PLCH1: variants seen among roughly 807,000 people sequenced by gnomAD.
PLCH1 encodes phospholipase C eta 1, also known as 1-phosphatidylinositol 4,5-bisphosphate phosphodiesterase eta-1.
Under a neutral mutation model 126.7 loss-of-function variants are expected in PLCH1, and 60 were observed. The ratio of observed to expected loss-of-function variants is 0.47; its 90% CI spans 0.38 to 0.59. The LOEUF is 0.59. Ranked by LOEUF, PLCH1 falls within the 20% of genes least tolerant of loss-of-function variation. The pLI is 0.00. For missense variants in PLCH1, 1,723 were observed against 2,040.0 expected (o/e 0.84, Z 2.99); for synonymous variants, 719 against 734.9 (o/e 0.98, Z 0.35).
At chr3:155,540,263 AT>A (rs1324366317) in intron 10 of PLCH1, among the ~76,000 whole-genome samples, 2 of 152,146 alleles carry the variant, frequency 1.3e-5, no homozygotes, top group African/African-American at 4.8e-5. Context: ...AGACTTAAAT[AT>A]AACACCTGAA....
intron 4 of PLCH1, among the ~76,000 whole-genome samples, chr3:155,589,442 A>AT (rs758262144): frequency 2.6e-5 from 4 of 151,888 alleles, no homozygotes; most frequent in Non-Finnish European, 4.4e-5. Flanking sequence ...TTTTCTTTTG[A>AT]TTTTTTTTAA....
intron 1 of PLCH1, among the ~76,000 whole-genome samples, chr3:155,708,858 T>C (rs1322550159): frequency 6.6e-6 from 1 of 152,166 alleles, no homozygotes. Context: ...AGATTTACGC[T>C]CTTTATTAAA....
At chr3:155,727,969 C>G (rs1748471243) in intron 1 of PLCH1, among the ~76,000 whole-genome samples, 1 of 151,980 alleles carries the variant, frequency 6.6e-6, no homozygotes, top group Admixed American at 6.6e-5. Context: ...AACCAAAAGG[C>G]CCCTTCTCAG....
intron 7 of PLCH1, among the ~76,000 whole-genome samples, chr3:155,567,231 C>T (rs1358349542): frequency 6.6e-6 from 1 of 152,050 alleles, no homozygotes; most frequent in Non-Finnish European, 1.5e-5. Flanking sequence ...CGCCACCATG[C>T]CCAGCTAATT....
intron 2 of PLCH1, chr3:155,676,457 A>T (rs1419812805): frequency 2.1e-6 from 2 of 939,050 alleles, no homozygotes; most frequent in South Asian, 9.9e-5. Flanking sequence ...TTATCCATCA[A>T]AGAAACCCTC....
intron 2 of PLCH1, among the ~76,000 whole-genome samples, chr3:155,689,724 G>A (rs1047894873): frequency 3.9e-5 from 6 of 151,916 alleles, no homozygotes; most frequent in African/African-American, 1.4e-4. Context: ...AAAACACATA[G>A]TCAGAGGAGA....
chr3:155,589,075 T>A (rs977283285), intron 4 of PLCH1, among the ~76,000 whole-genome samples: 1 of 152,158 alleles, frequency 6.6e-6, no homozygotes, highest in African/African-American at 2.4e-5. Context: ...GAAACAGTCA[T>A]TCCTCAGAGA....
chr3:155,626,281 A>G (rs1737236663), intron 2 of PLCH1, among the ~76,000 whole-genome samples: 1 of 152,166 alleles, frequency 6.6e-6, no homozygotes, highest in African/African-American at 2.4e-5. Context: ...GAAACACAGG[A>G]CACTGGAAGG....
intron 4 of PLCH1, among the ~76,000 whole-genome samples, chr3:155,590,581 A>G (rs1471980890): frequency 2.0e-5 from 2 of 98,436 alleles, no homozygotes; most frequent in African/African-American, 7.6e-5. Context: ...CCATCTCAAA[A>G]AAAAAAAAAA....
At chr3:155,591,199 G>T (rs1364950504) in intron 4 of PLCH1, among the ~76,000 whole-genome samples, 1 of 152,186 alleles carries the variant, frequency 6.6e-6, no homozygotes, top group Non-Finnish European at 1.5e-5. Flanking sequence ...AACTGGATGA[G>T]GCTAGAAGCT....
chr3:155,478,425 T>A (rs1713641662), downstream of PLCH1, among the ~76,000 whole-genome samples: 1 of 152,134 alleles, frequency 6.6e-6, no homozygotes, highest in East Asian at 1.9e-4. Context: ...AATGGGTAAG[T>A]CAAAGGATAA....
chr3:155,699,171 G>A (rs921230537), intron 2 of PLCH1, among the ~76,000 whole-genome samples: 44 of 151,478 alleles, frequency 2.9e-4, no homozygotes, highest in Admixed American at 2.0e-4. Context: ...CACCTCCCAG[G>A]TTCAAACGAC....
chr3:155,457,171 GA>G, intron 21 of PLCH1: 1 of 152,596 alleles, frequency 6.6e-6, no homozygotes, highest in Non-Finnish European at 1.5e-5. Context: ...CCCTGCTGGG[GA>G]AAAAGAGTGA....
At chr3:155,621,020 C>A (rs1253315165) in intron 2 of PLCH1, among the ~76,000 whole-genome samples, 6 of 152,144 alleles carry the variant, frequency 3.9e-5, no homozygotes, top group South Asian at 2.1e-4. Context: ...AGCCCTGGCT[C>A]GCATCTGGCG....
chr3:155,600,910 A>G (rs1400547249), intron 2 of PLCH1, among the ~76,000 whole-genome samples: 2 of 152,260 alleles, frequency 1.3e-5, no homozygotes, highest in South Asian at 4.1e-4. Context: ...ACTTTATTAC[A>G]TAGCTAGAGT....
intron 12 of PLCH1, 111 bp downstream of exon 12, chr3:155,514,612 T>A: frequency 3.0e-6 from 2 of 675,052 alleles, no homozygotes; most frequent in Non-Finnish European, 4.6e-6. Context: ...TCAAGCAAAA[T>A]GAGGACAGAA....
intron 2 of PLCH1, among the ~76,000 whole-genome samples, chr3:155,633,358 A>G (rs924876557): frequency 9.2e-5 from 14 of 151,666 alleles, no homozygotes; most frequent in African/African-American, 3.1e-4. Context: ...AAAAAAAAAA[A>G]ACCTACTCTT....
chr3:155,506,345 C>CTTTTTTTTTTT (rs57746252), intron 12 of PLCH1, among the ~76,000 whole-genome samples: 2 of 130,702 alleles, frequency 1.5e-5, no homozygotes, highest in Non-Finnish European at 3.2e-5. Context: ...TTCTCACTCT[C>CTTTTTTTTTTT]TTTTTTTTTT....
intron 2 of PLCH1, among the ~76,000 whole-genome samples, chr3:155,616,669 A>G (rs1195862835): frequency 6.6e-6 from 1 of 152,162 alleles, no homozygotes; most frequent in African/African-American, 2.4e-5. Flanking sequence ...CTGCTTGCCT[A>G]CAGGAAAAGG....
Sources: gnomAD v4.1 joint callset for allele counts (sites outside exome capture counted in the v4.1 genomes callset) on GRCh38, gnomAD v4.1.1 for gene constraint, MANE v1.5 for transcripts, NCBI Gene and HGNC (gene_info 2026-07-23, HGNC 2026-07-21) for gene names.